The following FHIT variants were observed in gnomAD, a reference collection of about 807,000 sequenced individuals.
The protein encoded by FHIT is fragile histidine triad diadenosine triphosphatase.
In FHIT, 19 loss-of-function variants were observed where a neutral mutation model predicts 17.9. The observed-to-expected ratio is 1.06, with a 90% CI of 0.74 to 1.56. FHIT has a LOEUF of 1.56. Ranked by LOEUF, FHIT falls within the 40% of genes most tolerant of loss-of-function variation. FHIT has a pLI of 0.00. For missense variants in FHIT, 248 were observed against 189.2 expected (o/e 1.31, Z -1.82); for synonymous variants, 81 against 69.7 (o/e 1.16, Z -0.81).
intron 2 of FHIT, among the ~76,000 whole-genome samples, chr3:61,134,825 C>T (rs1002417648): frequency 2.0e-5 from 3 of 152,152 alleles, no homozygotes; most frequent in African/African-American, 7.2e-5. Flanking sequence ...ACACAGCTTG[C>T]CTCCAGAACT....
chr3:60,627,243 A>G (rs1262548173), intron 4 of FHIT, among the ~76,000 whole-genome samples: 1 of 152,148 alleles, frequency 6.6e-6, no homozygotes, highest in East Asian at 1.9e-4. Flanking sequence ...ACTGATATTA[A>G]TTTTTTAAAT....
chr3:59,949,425 T>A (rs62238356), intron 7 of FHIT, among the ~76,000 whole-genome samples: 13,355 of 152,268 alleles, frequency 0.088, 835 homozygotes, highest in South Asian at 0.16. Context: ...TCCACTAATG[T>A]CCACCAAGTG....
intron 5 of FHIT, among the ~76,000 whole-genome samples, chr3:60,342,350 G>A (rs1326907411): frequency 6.6e-6 from 1 of 152,200 alleles, no homozygotes; most frequent in Non-Finnish European, 1.5e-5. Context: ...GTTCCATAGT[G>A]TGGCAGATAT....
intron 4 of FHIT, among the ~76,000 whole-genome samples, chr3:60,737,663 C>A (rs973266859): frequency 1.3e-5 from 2 of 152,104 alleles, no homozygotes; most frequent in African/African-American, 4.8e-5. Flanking sequence ...TGTTCATATG[C>A]ATTTCCCATT....
chr3:59,963,217 A>G (rs997127697), intron 7 of FHIT, among the ~76,000 whole-genome samples: 1 of 151,926 alleles, frequency 6.6e-6, no homozygotes, highest in Non-Finnish European at 1.5e-5. Context: ...CAATGAGCCG[A>G]GATCACACCA....
chr3:60,075,942 T>C (rs1702988228), intron 5 of FHIT, among the ~76,000 whole-genome samples: 1 of 152,092 alleles, frequency 6.6e-6, no homozygotes, highest in Non-Finnish European at 1.5e-5. Context: ...AGTACCTTAT[T>C]AAACAAGAAA....
At chr3:60,067,918 T>G (rs1024487521) in intron 5 of FHIT, among the ~76,000 whole-genome samples, 2 of 152,166 alleles carry the variant, frequency 1.3e-5, no homozygotes, top group Admixed American at 6.5e-5. Context: ...GTTTCACACT[T>G]ATCCATTCAT....
chr3:60,072,426 G>A (rs1346346410), intron 5 of FHIT, among the ~76,000 whole-genome samples: 1 of 127,706 alleles, frequency 7.8e-6, no homozygotes, highest in South Asian at 2.5e-4. Flanking sequence ...AACCAACCAA[G>A]TCAACAACAA....
rs2038984432 is a variant in FHIT at position 61,200,683 on chromosome 3, T to C, written c.-212-18A>G. Reference sequence around the variant, plus strand: ...CTTCAAAGCTACAAAGACATAAAAATGAAAGACAGAGTTGTCTGTGAGTAC... The same window carrying C: ...CTTCAAAGCTACAAAGACATAAAAACGAAAGACAGAGTTGTCTGTGAGTAC... On this transcript the variant is annotated intron_variant, in intron 1 of 9. Coordinates refer to ENST00000492590, the MANE Select transcript of FHIT (RefSeq NM_002012.4). 6.6e-6 allele frequency: 1 copy of C among 152,638 alleles called. No homozygotes were observed. The highest frequency in any genetic ancestry group is 2.4e-5 in the African/African-American group (1 of 41,458). The allele number at this position is 152,638 out of a possible 1,614,324, so 9.5% of individuals were successfully genotyped here.
chr3:59,797,204 T>TC (rs1437356018), intron 8 of FHIT, among the ~76,000 whole-genome samples: 1 of 151,586 alleles, frequency 6.6e-6, no homozygotes. Context: ...TTTTTTTTTT[T>TC]GAGACAGAGT....
intron 4 of FHIT, among the ~76,000 whole-genome samples, chr3:60,741,883 G>C (rs1385854997): frequency 6.6e-6 from 1 of 152,188 alleles, no homozygotes; most frequent in Non-Finnish European, 1.5e-5. Flanking sequence ...TGTTTTCCAA[G>C]TCTGACTGTA....
intron 5 of FHIT, among the ~76,000 whole-genome samples, chr3:60,226,953 A>C (rs1046738481): frequency 6.6e-6 from 1 of 152,172 alleles, no homozygotes; most frequent in Non-Finnish European, 1.5e-5. Flanking sequence ...GGAAAATCAA[A>C]AGTCATTTCC....
At chr3:60,968,946 T>C (rs184432882) in intron 3 of FHIT, among the ~76,000 whole-genome samples, 317 of 152,290 alleles carry the variant, frequency 2.1e-3, no homozygotes, top group African/African-American at 7.3e-3. Context: ...TTATTCTTTT[T>C]ATATATCACT....
intron 8 of FHIT, among the ~76,000 whole-genome samples, chr3:59,754,719 A>C (rs1701113395): frequency 6.6e-6 from 1 of 152,240 alleles, no homozygotes; most frequent in Non-Finnish European, 1.5e-5. Context: ...CATATGCCTT[A>C]CAGATGGCAA....
chr3:59,943,557 T>C (rs973439086), intron 7 of FHIT, among the ~76,000 whole-genome samples: 3 of 152,082 alleles, frequency 2.0e-5, no homozygotes, highest in Non-Finnish European at 4.4e-5. Context: ...AACTCAACTC[T>C]CCTTGTCTAA....
chr3:61,094,180 G>A (rs972304814), intron 2 of FHIT, among the ~76,000 whole-genome samples: 4 of 151,996 alleles, frequency 2.6e-5, no homozygotes, highest in Middle Eastern at 3.2e-3. Context: ...AAATGGTGAC[G>A]CATCACTGGG....
chr3:60,353,729 G>A (rs1405200839), intron 5 of FHIT, among the ~76,000 whole-genome samples: 1 of 151,982 alleles, frequency 6.6e-6, no homozygotes, highest in Admixed American at 6.6e-5. Context: ...CCAATTCCCA[G>A]AAGTATTTGA....
chr3:61,039,254 C>G (rs914066700), intron 3 of FHIT, among the ~76,000 whole-genome samples: 2 of 152,122 alleles, frequency 1.3e-5, no homozygotes, highest in African/African-American at 4.8e-5. Context: ...ACCATTTTGA[C>G]AAAGACTACC....
At chr3:61,022,290 C>G (rs1272159928) in intron 3 of FHIT, among the ~76,000 whole-genome samples, 2 of 152,156 alleles carry the variant, frequency 1.3e-5, no homozygotes, top group Non-Finnish European at 2.9e-5. Context: ...CAAGACTAAA[C>G]CAGGAAGAAG....
Sources: gnomAD v4.1 joint callset for allele counts (sites outside exome capture counted in the v4.1 genomes callset) on GRCh38, gnomAD v4.1.1 for gene constraint, MANE v1.5 for transcripts, NCBI Gene and HGNC (gene_info 2026-07-23, HGNC 2026-07-21) for gene names.